RAB6B: variants seen among roughly 807,000 people sequenced by gnomAD.
RAB6B encodes RAB6B, member RAS oncogene family.
In RAB6B, 7 loss-of-function variants were observed where a neutral mutation model predicts 31.2. The ratio of observed to expected loss-of-function variants is 0.22; its 90% confidence interval spans 0.13 to 0.42. The LOEUF is 0.42. RAB6B is among the 10% of genes least tolerant of loss of function. The pLI is 1.00. For missense variants in RAB6B, 149 were observed against 280.6 expected (o/e 0.53, Z 3.35); for synonymous variants, 105 against 104.9 (o/e 1.00, Z -0.01).
chr3:133,883,062 C>T (rs977602590), intron 1 of RAB6B, among the ~76,000 whole-genome samples: 3 of 152,196 alleles, frequency 2.0e-5, no homozygotes, highest in Non-Finnish European at 4.4e-5. Flanking sequence ...TGGAGGTTTG[C>T]TCTGTTCACA....
chr3:133,834,977 C>T (rs1408179747), intron 6 of RAB6B, among the ~76,000 whole-genome samples: 1 of 152,210 alleles, frequency 6.6e-6, no homozygotes, highest in African/African-American at 2.4e-5. Flanking sequence ...ATGGTTTGGG[C>T]CTCTGGGTGA....
intron 1 of RAB6B, 38 bp from the exon 2 acceptor site, chr3:133,864,680 A>C: frequency 1.9e-6 from 3 of 1,579,198 alleles, no homozygotes; most frequent in Non-Finnish European, 2.6e-6. Context: ...CAGTCATGGC[A>C]TCTGAGCTAG....
At chr3:133,835,017 C>T (rs910716271) in intron 6 of RAB6B, among the ~76,000 whole-genome samples, 1 of 152,216 alleles carries the variant, frequency 6.6e-6, no homozygotes, top group Non-Finnish European at 1.5e-5. Flanking sequence ...CTGCAAACAG[C>T]CCTCATGGGG....
chr3:133,828,024 A>C lies in RAB6B; in HGVS notation c.*764T>G, dbSNP rs942084627. ...TGGCCTCTTGCTCTGCCAGTCCCTGAGGGCACAGAGAACACAAGGTTGCCT... is the reference window on the plus strand; with the variant it reads ...TGGCCTCTTGCTCTGCCAGTCCCTGCGGGCACAGAGAACACAAGGTTGCCT... On this transcript the variant is annotated 3_prime_UTR_variant, in exon 8 of 8. Transcript: ENST00000285208. 3 of 702,340 alleles carry C rather than the reference A, an allele frequency of 4.3e-6. No homozygotes were observed. Among genetic ancestry groups the C allele is most frequent in the Non-Finnish European group, 7.8e-6 (3 of 384,796 alleles). 43.5% of individuals were successfully genotyped at this position (702,340 alleles called of 1,614,324 possible). A position where few individuals can be genotyped will look rare whatever the true frequency, so the allele number is the denominator to read the frequency against.
chr3:133,872,812 T>A (rs1248785488), intron 1 of RAB6B, among the ~76,000 whole-genome samples: 2 of 152,240 alleles, frequency 1.3e-5, no homozygotes, highest in Admixed American at 6.5e-5. Context: ...ATTGGACATT[T>A]TAATTAAGTG....
At chr3:133,837,408 CA>C (rs1935752729) in intron 6 of RAB6B, among the ~76,000 whole-genome samples, 1 of 152,148 alleles carries the variant, frequency 6.6e-6, no homozygotes, top group African/African-American at 2.4e-5. Context: ...ATGTGAAGTT[CA>C]AGATACCTGC....
chr3:133,843,819 C>T (rs754629799), intron 2 of RAB6B, among the ~76,000 whole-genome samples: 6 of 152,068 alleles, frequency 3.9e-5, no homozygotes, highest in African/African-American at 1.2e-4. Context: ...TCCCACTGTC[C>T]GGTGGGGATG....
intron 4 of RAB6B, among the ~76,000 whole-genome samples, chr3:133,840,991 C>T (rs1415110467): frequency 6.6e-6 from 1 of 152,120 alleles, no homozygotes. Context: ...GGAGCAGGGC[C>T]AACCTTGTGA....
intron 2 of RAB6B, among the ~76,000 whole-genome samples, chr3:133,855,136 A>C (rs1056296417): frequency 6.6e-6 from 1 of 152,252 alleles, no homozygotes; most frequent in East Asian, 1.9e-4. Flanking sequence ...TAACCATTAA[A>C]TGAAAGTATC....
chr3:133,829,728 G>C (rs922721513), intron 7 of RAB6B, among the ~76,000 whole-genome samples: 1 of 152,118 alleles, frequency 6.6e-6, no homozygotes, highest in African/African-American at 2.4e-5. Context: ...AACAGGAGAG[G>C]TTCTTTTGTT....
intron 2 of RAB6B, among the ~76,000 whole-genome samples, chr3:133,863,377 A>G (rs891226709): frequency 1.3e-5 from 2 of 152,210 alleles, no homozygotes; most frequent in African/African-American, 4.8e-5. Flanking sequence ...GACAGACTAA[A>G]AAGTAGATAC....
chr3:133,879,881 G>A (rs899059534), intron 1 of RAB6B, among the ~76,000 whole-genome samples: 21 of 152,318 alleles, frequency 1.4e-4, no homozygotes, highest in African/African-American at 4.3e-4. Context: ...ATAGCTCAGA[G>A]AACAAGAGTC....
chr3:133,862,494 G>C (rs1452559792), intron 2 of RAB6B, among the ~76,000 whole-genome samples: 2 of 152,206 alleles, frequency 1.3e-5, no homozygotes, highest in Non-Finnish European at 2.9e-5. Flanking sequence ...GGATGAAAGG[G>C]CCTCGCTGCT....
intron 5 of RAB6B, 56 bp from the exon 6 acceptor site, chr3:133,838,315 A>T: frequency 3.9e-6 from 6 of 1,523,482 alleles, no homozygotes; most frequent in Non-Finnish European, 5.5e-6. Flanking sequence ...ACCCTGGCAG[A>T]TATGAGGAGG....
intron 2 of RAB6B, among the ~76,000 whole-genome samples, chr3:133,854,132 T>C (rs1432003570): frequency 6.6e-6 from 1 of 152,220 alleles, no homozygotes; most frequent in East Asian, 1.9e-4. Context: ...AACCCAATGT[T>C]TCCCCAGCTT....
intron 2 of RAB6B, among the ~76,000 whole-genome samples, chr3:133,859,971 G>C (rs1055395742): frequency 6.6e-6 from 1 of 152,180 alleles, no homozygotes; most frequent in African/African-American, 2.4e-5. Flanking sequence ...AAAGGATCCC[G>C]GGGGAAATGG....
chr3:133,865,430 G>A (rs1390939730), intron 1 of RAB6B, among the ~76,000 whole-genome samples: 2 of 152,248 alleles, frequency 1.3e-5, no homozygotes, highest in East Asian at 3.8e-4. Context: ...ACCTCACCCT[G>A]TGCAGCTCCC....
chr3:133,842,109 G>A (rs1011695728), intron 2 of RAB6B, among the ~76,000 whole-genome samples: 3 of 152,232 alleles, frequency 2.0e-5, no homozygotes, highest in East Asian at 3.8e-4. Flanking sequence ...GAGGGTGGGA[G>A]GCAGGGGGCA....
chr3:133,824,384 A>AAT lies in RAB6B; in HGVS notation c.*4402_*4403dup, dbSNP rs1553744678. 6.6e-6 allele frequency: 1 copy of AAT among 152,182 alleles called. No individual in the cohort carries two copies. The highest frequency in any genetic ancestry group is 1.5e-5 in the Non-Finnish European group (1 of 68,048). The allele number at this position is 152,182 out of a possible 1,614,324, so 9.4% of individuals were successfully genotyped here. A position where few individuals can be genotyped will look rare whatever the true frequency, so the allele number is the denominator to read the frequency against. ...GCCACCCTCTGTGCTCCTCACAGCC[A>AAT]ATCACTTTAAAGGGATGGGTGAGGG... On this transcript the variant is annotated 3_prime_UTR_variant, in exon 8 of 8. Coordinates refer to ENST00000285208, the MANE Select transcript of RAB6B (RefSeq NM_016577.4).
Sources: gnomAD v4.1 joint callset for allele counts (sites outside exome capture counted in the v4.1 genomes callset) on GRCh38, gnomAD v4.1.1 for gene constraint, MANE v1.5 for transcripts, NCBI Gene and HGNC (gene_info 2026-07-23, HGNC 2026-07-21) for gene names.